The following GPD2 variants were observed in gnomAD, a reference collection of about 807,000 sequenced individuals.
GPD2 encodes the protein glycerol-3-phosphate dehydrogenase, mitochondrial.
GPD2 carries 54 observed loss-of-function variants against 82.4 expected under a neutral mutation model. The observed-to-expected ratio is 0.66, with a 90% CI of 0.53 to 0.82. GPD2 has a LOEUF of 0.82. Ranked by LOEUF, GPD2 falls within the 40% of genes least tolerant of loss-of-function variation. The pLI is 0.00. For missense variants in GPD2, 748 were observed against 896.2 expected (o/e 0.83, Z 2.11); for synonymous variants, 288 against 306.1 (o/e 0.94, Z 0.62).
the GPD2 span, among the ~76,000 whole-genome samples, chr2:156,414,517 G>A: frequency 6.6e-6 from 1 of 152,084 alleles, no homozygotes; most frequent in Non-Finnish European, 1.5e-5. Context: ...TTTGTACTAA[G>A]AAATATTTGA....
At chr2:156,524,493 A>G (rs1011291919) in intron 6 of GPD2, among the ~76,000 whole-genome samples, 2 of 152,142 alleles carry the variant, frequency 1.3e-5, no homozygotes, top group African/African-American at 2.4e-5. Context: ...TGGGGTGGCC[A>G]CAACTTGGTC....
chr2:156,579,895 T>G (rs1240247003), intron 16 of GPD2, 107 bp downstream of exon 16: 1 of 722,752 alleles, frequency 1.4e-6, no homozygotes, highest in Non-Finnish European at 2.6e-6. Context: ...AATTGTCAGA[T>G]TATTCTGAAG....
At chr2:156,556,030 T>C (rs141174266) in intron 8 of GPD2, among the ~76,000 whole-genome samples, 2 of 152,310 alleles carry the variant, frequency 1.3e-5, no homozygotes, top group Non-Finnish European at 2.9e-5. Context: ...ATAAAGAAGA[T>C]ACATTAGTTA....
At chr2:156,419,245 G>T in the GPD2 span, among the ~76,000 whole-genome samples, 1 of 151,772 alleles carries the variant, frequency 6.6e-6, no homozygotes, top group African/African-American at 2.4e-5. Context: ...TTTTAGTAGA[G>T]ACGAGGGTTC....
Position 156,516,602 on chromosome 2 carries a change from C to G in GPD2, c.661+3106C>G, listed in dbSNP as rs555206984. ...TTACACTTAGCATGTGCCACTATAC[C>G]TGGCTAGTTGTTTTTTACTTTTGCT... On this transcript the variant is annotated intron_variant, in intron 6 of 16. Coordinates refer to ENST00000438166, the MANE Select transcript of GPD2 (RefSeq NM_000408.5). Among the ~76,000 whole-genome samples the G allele has an allele frequency of 3.3e-5, 5 of 152,236 alleles. No homozygotes were observed. The South Asian group carries it at 1.0e-3, about 32-fold the overall frequency.
At chr2:156,422,941 CAATAAATATTTGTTAGGTGAATG>C in the GPD2 span, among the ~76,000 whole-genome samples, 1 of 151,994 alleles carries the variant, frequency 6.6e-6, no homozygotes. Flanking sequence ...ATGGAGAGCT[CAATAAATATTTGTTAGGTGAATG>C]AATAAATATT....
the GPD2 span, among the ~76,000 whole-genome samples, chr2:156,404,576 C>T: frequency 1.3e-5 from 2 of 151,600 alleles, no homozygotes; most frequent in Non-Finnish European, 2.9e-5. Context: ...TGTGGTGCCT[C>T]ACCCCTATAA....
At chr2:156,491,805 G>A (rs941690316) in intron 2 of GPD2, among the ~76,000 whole-genome samples, 6 of 151,902 alleles carry the variant, frequency 3.9e-5, no homozygotes, top group African/African-American at 1.5e-4. Context: ...GGTGGATCAC[G>A]AGGGCAGGAG....
chr2:156,448,403 C>T (rs977499969), intron 1 of GPD2, among the ~76,000 whole-genome samples: 9 of 152,310 alleles, frequency 5.9e-5, no homozygotes, highest in South Asian at 4.1e-4. Context: ...TGAGCCACTG[C>T]GCCTGGCCTA....
intron 1 of GPD2, among the ~76,000 whole-genome samples, chr2:156,472,167 A>T (rs973824512): frequency 6.6e-6 from 1 of 152,090 alleles, no homozygotes; most frequent in African/African-American, 2.4e-5. Flanking sequence ...TTTCTAGTAA[A>T]GCTGTTACTT....
At chr2:156,426,139 A>G in the GPD2 span, among the ~76,000 whole-genome samples, 24,988 of 151,330 alleles carry the variant, frequency 0.17, 2,540 homozygotes, top group East Asian at 0.22. Flanking sequence ...TAGCCGGGAT[A>G]GTCTCGATCT....
At chr2:156,432,261 A>T (rs1259085467), upstream of GPD2, among the ~76,000 whole-genome samples, 1 of 152,028 alleles carries the variant, frequency 6.6e-6, no homozygotes, top group Non-Finnish European at 1.5e-5. Context: ...AAAATTTTTT[A>T]ATTTCCATTT....
intron 1 of GPD2, among the ~76,000 whole-genome samples, chr2:156,461,528 G>A (rs1297827468): frequency 1.3e-5 from 2 of 151,974 alleles, no homozygotes; most frequent in Non-Finnish European, 2.9e-5. Context: ...ATAGGTGCAT[G>A]TTACCATGCC....
intron 9 of GPD2, among the ~76,000 whole-genome samples, chr2:156,561,221 T>C (rs573482467): frequency 6.6e-6 from 1 of 151,944 alleles, no homozygotes; most frequent in South Asian, 2.1e-4. Flanking sequence ...CTAATTTTTG[T>C]ATTTTTAGTA....
At chr2:156,401,246 A>T in the GPD2 span, among the ~76,000 whole-genome samples, 5 of 152,232 alleles carry the variant, frequency 3.3e-5, no homozygotes, top group Non-Finnish European at 7.3e-5. Context: ...TCTATTGCTT[A>T]CTAGAAGACA....
chr2:156,511,894 A>G (rs1218573183), intron 4 of GPD2, among the ~76,000 whole-genome samples: 1 of 152,192 alleles, frequency 6.6e-6, no homozygotes, highest in Non-Finnish European at 1.5e-5. Context: ...CACAGAAAAA[A>G]TATTATGGGG....
At chr2:156,404,758 G>A in the GPD2 span, among the ~76,000 whole-genome samples, 1 of 150,716 alleles carries the variant, frequency 6.6e-6, no homozygotes, top group Non-Finnish European at 1.5e-5. Flanking sequence ...GGAGGCTGAG[G>A]CAGGAGAATC....
At chr2:156,528,152 T>A (rs1481532655) in intron 6 of GPD2, among the ~76,000 whole-genome samples, 1 of 152,152 alleles carries the variant, frequency 6.6e-6, no homozygotes, top group Non-Finnish European at 1.5e-5. Context: ...AATAGTTGCC[T>A]CTTCCAACAG....
chr2:156,484,415 G>A (rs751749284), intron 2 of GPD2, among the ~76,000 whole-genome samples: 9 of 152,188 alleles, frequency 5.9e-5, no homozygotes, highest in Non-Finnish European at 1.2e-4. Flanking sequence ...GGGATTACAG[G>A]CGTGAGCCCA....
Sources: allele counts gnomAD v4.1 joint callset (sites outside exome capture counted in the v4.1 genomes callset), GRCh38; gene constraint gnomAD v4.1.1; transcripts MANE v1.5; gene names NCBI Gene and HGNC (gene_info 2026-07-23, HGNC 2026-07-21).